MED15: variants seen among roughly 807,000 people sequenced by gnomAD.
The protein encoded by MED15 is mediator complex subunit 15.
A neutral mutation model predicts 118.7 loss-of-function variants in MED15; 41 were observed. The observed-to-expected ratio is 0.35, with a 90% confidence interval of 0.27 to 0.45. MED15 has a LOEUF of 0.45. Among genes scored for constraint, MED15 ranks in the 20% least tolerant of loss-of-function variants. The pLI is 1.00. For missense variants in MED15, 740 were observed against 1,025.5 expected (o/e 0.72, Z 3.80); for synonymous variants, 436 against 413.9 (o/e 1.05, Z -0.65).
chr22:20,551,487 C>T lies in MED15; in HGVS notation c.208C>T (p.His70Tyr), dbSNP rs763744861. 20 of 1,613,754 alleles carry T rather than the reference C, an allele frequency of 1.2e-5. No homozygotes were observed. Among genetic ancestry groups the T allele is most frequent in the Non-Finnish European group, 1.6e-5 (19 of 1,179,754 alleles). Residue 70 changes from histidine (H) to tyrosine (Y), a missense_variant and splice_region_variant, in exon 3 of 18, where the codon CAT becomes TAT. His to Tyr is a moderately conservative substitution (Grantham distance 83). This residue lies in a region of MED15 where 33 missense variants were observed against 78.2 expected (regional missense o/e 0.42). Coordinates refer to ENST00000263205, the MANE Select transcript of MED15 (RefSeq NM_001003891.3). ...ARLIIHFRDI[H>Y]NKKSQASVSD... is the part of the protein sequence containing the mutation. ...GCTCATTATCCATTTTCGAGACATT[C>T]GTAAGTAAGATTTTGCATTTCTGGG...
In MED15 at chr22:20,564,698, C is replaced by T; in HGVS notation, c.690+10C>T. ...TCAAAATCAGCAACAGGTACCAGGTCCCCTGTTCCTGCTCTTGGCCTCCCT... is the reference window on the plus strand; with the variant it reads ...TCAAAATCAGCAACAGGTACCAGGTTCCCTGTTCCTGCTCTTGGCCTCCCT... On this transcript the variant is annotated intron_variant, in intron 6 of 17. Coordinates refer to ENST00000263205, the MANE Select transcript of MED15 (RefSeq NM_001003891.3). 1 of 1,614,174 alleles carries T rather than the reference C, an allele frequency of 6.2e-7. No individual in the cohort carries two copies. The highest frequency in any genetic ancestry group is 8.5e-7 in the Non-Finnish European group (1 of 1,179,972).
Position 20,582,642 on chromosome 22 carries a change from CGCCGTCACCGG to C in MED15, c.1308_1318del (p.Ser437AlafsTer39). ...CAGAGCAGCCTCCCCATGCTGTCCT[CGCCGTCACCGG>C]GCCAGCAGGTGCAGACCCCGCAGTC... On this transcript the variant is annotated frameshift_variant, in exon 10 of 18. Transcript: ENST00000263205. LOFTEE classifies it high-confidence loss of function. The C allele has an allele frequency of 6.3e-7, 1 of 1,578,998 alleles. No homozygotes were observed. Among genetic ancestry groups the C allele is most frequent in the South Asian group, 1.1e-5 (1 of 88,284 alleles).
intron 9 of MED15, among the ~76,000 whole-genome samples, chr22:20,581,680 C>A (rs969838208): frequency 1.3e-5 from 2 of 152,140 alleles, no homozygotes; most frequent in Non-Finnish European, 2.9e-5. Context: ...AGCTGTTCTC[C>A]CCATCAAAGC....
chr22:20,561,525 A>C (rs1396018412), intron 5 of MED15, among the ~76,000 whole-genome samples: 3 of 152,196 alleles, frequency 2.0e-5, no homozygotes, highest in Non-Finnish European at 4.4e-5. Flanking sequence ...TCTCAAAAAA[A>C]AAAAGGAAAG....
At chr22:20,584,284 G>A in intron 13 of MED15, 75 bp from the exon 14 acceptor site, 1 of 1,450,324 alleles carries the variant, frequency 6.9e-7, no homozygotes, top group East Asian at 2.3e-5. Context: ...GAGGCCCAGT[G>A]GCAGTAGTTG....
intron 1 of MED15, among the ~76,000 whole-genome samples, chr22:20,534,982 G>T (rs1444423046): frequency 6.6e-6 from 1 of 152,126 alleles, no homozygotes; most frequent in Non-Finnish European, 1.5e-5. Context: ...AAGAGTGCAG[G>T]AGTCTCATTC....
At chr22:20,578,439 A>G (rs368105195) in intron 9 of MED15, among the ~76,000 whole-genome samples, 50 of 152,266 alleles carry the variant, frequency 3.3e-4, no homozygotes, top group South Asian at 3.1e-3. Context: ...CTGCAGTACC[A>G]GGCTCTTGGT....
chr22:20,569,102 C>T (rs987189079), intron 8 of MED15, among the ~76,000 whole-genome samples: 3 of 152,136 alleles, frequency 2.0e-5, no homozygotes, highest in East Asian at 1.9e-4. Context: ...TCAGGGACTC[C>T]GGCGCTGTGT....
At chr22:20,526,671 A>G (rs2054657114) in intron 1 of MED15, among the ~76,000 whole-genome samples, 1 of 152,154 alleles carries the variant, frequency 6.6e-6, no homozygotes, top group Non-Finnish European at 1.5e-5. Flanking sequence ...CTTCAGGCTC[A>G]GTGCTAGTGA....
At chr22:20,533,165 G>C (rs1179398624) in intron 1 of MED15, among the ~76,000 whole-genome samples, 2 of 152,132 alleles carry the variant, frequency 1.3e-5, no homozygotes, top group African/African-American at 4.8e-5. Context: ...CCTGCCTGCA[G>C]CCTCCCGCAG....
Sources: allele counts gnomAD v4.1 joint callset (sites outside exome capture counted in the v4.1 genomes callset), GRCh38; gene constraint gnomAD v4.1.1; regional missense constraint gnomAD v4.1.1; transcripts MANE v1.5; gene names NCBI Gene and HGNC (gene_info 2026-07-23, HGNC 2026-07-21).